TENM2: variants seen among roughly 807,000 people sequenced by gnomAD.
The protein encoded by TENM2 is teneurin transmembrane protein 2.
In TENM2, 52 loss-of-function variants were observed where a neutral mutation model predicts 245.2. The observed-to-expected ratio is 0.21, with a 90% CI of 0.17 to 0.27. The LOEUF (loss-of-function observed/expected upper bound fraction) is 0.27. TENM2 is among the 10% of genes least tolerant of loss of function. The pLI is 1.00. For synonymous variants in TENM2, 1,363 were observed against 1,438.9 expected, an observed-to-expected ratio of 0.95 and a Z score of 1.19; for missense variants, 3,046 against 3,666.8, an observed-to-expected ratio of 0.83 and a Z score of 4.37.
intron 5 of TENM2, 65 bp from the exon 8 acceptor site, chr5:168,047,362 T>G: frequency 6.5e-7 from 1 of 1,533,008 alleles, no homozygotes; most frequent in East Asian, 2.5e-5. Context: ...CACCTGGCCC[T>G]CCCCCTTGAC....
intron 2 of TENM2, among the ~76,000 whole-genome samples, chr5:167,852,844 T>C (rs1201886643): frequency 6.6e-6 from 1 of 152,132 alleles, no homozygotes; most frequent in Non-Finnish European, 1.5e-5. Flanking sequence ...TAATAGTGGG[T>C]GTCATTATGA....
chr5:167,907,515 A>G (rs1338379018), intron 3 of TENM2, among the ~76,000 whole-genome samples: 3 of 122,582 alleles, frequency 2.4e-5, no homozygotes, highest in Admixed American at 9.2e-5. Flanking sequence ...TTTTGTTTAG[A>G]TCACCCTAAA....
chr5:167,617,223 T>C (rs1429899910), intron 2 of TENM2, among the ~76,000 whole-genome samples: 5 of 152,164 alleles, frequency 3.3e-5, no homozygotes, highest in African/African-American at 1.2e-4. Flanking sequence ...TAGTCATTCA[T>C]AGTGCTACAC....
At chr5:167,067,967 C>A in the TENM2 span, among the ~76,000 whole-genome samples, 2 of 152,182 alleles carry the variant, frequency 1.3e-5, no homozygotes, top group African/African-American at 4.8e-5. Context: ...CATCTTCCTC[C>A]TTCCTCTGGA....
At chr5:167,130,492 G>A in the TENM2 span, among the ~76,000 whole-genome samples, 1 of 152,186 alleles carries the variant, frequency 6.6e-6, no homozygotes, top group African/African-American at 2.4e-5. Flanking sequence ...AGAGGTTGGA[G>A]CATTCACTCA....
At chr5:167,498,861 T>C (rs1033837831) in intron 2 of TENM2, among the ~76,000 whole-genome samples, 1 of 152,184 alleles carries the variant, frequency 6.6e-6, no homozygotes, top group Non-Finnish European at 1.5e-5. Flanking sequence ...ACTGAGATGA[T>C]GACGATATTC....
intron 2 of TENM2, among the ~76,000 whole-genome samples, chr5:167,504,904 C>T (rs776979867): frequency 9.2e-5 from 14 of 152,116 alleles, no homozygotes; most frequent in Non-Finnish European, 1.6e-4. Context: ...TTGCTTCCTT[C>T]TCTTTTTTTC....
chr5:168,007,351 A>T (rs933198230), intron 5 of TENM2, among the ~76,000 whole-genome samples: 2 of 151,744 alleles, frequency 1.3e-5, no homozygotes, highest in African/African-American at 4.8e-5. Flanking sequence ...CTCGTCTCGG[A>T]CTCCTGACCT....
intron 4 of TENM2, among the ~76,000 whole-genome samples, chr5:167,971,323 T>A (rs1781763518): frequency 6.6e-6 from 1 of 151,898 alleles, no homozygotes; most frequent in Non-Finnish European, 1.5e-5. Context: ...GATGCCCTCT[T>A]CAGGGAGGTC....
intron 2 of TENM2, among the ~76,000 whole-genome samples, chr5:167,508,557 C>G (rs1483947234): frequency 6.6e-6 from 1 of 152,156 alleles, no homozygotes; most frequent in Non-Finnish European, 1.5e-5. Context: ...GCTATCTTTT[C>G]TATGTATGTT....
At chr5:167,575,504 G>A (rs1380909898) in intron 2 of TENM2, among the ~76,000 whole-genome samples, 3 of 152,026 alleles carry the variant, frequency 2.0e-5, no homozygotes, top group East Asian at 1.9e-4. Flanking sequence ...GGCATGTCTC[G>A]CGTTTGCCAG....
intron 12 of TENM2, among the ~76,000 whole-genome samples, chr5:168,131,020 C>T (rs144954099): frequency 2.0e-5 from 3 of 152,114 alleles, no homozygotes; most frequent in Non-Finnish European, 4.4e-5. Flanking sequence ...TGTAGATCAG[C>T]GTCTCATGAA....
chr5:167,425,868 C>T (rs560156907), intron 2 of TENM2, among the ~76,000 whole-genome samples: 1 of 152,210 alleles, frequency 6.6e-6, no homozygotes, highest in South Asian at 2.1e-4. Flanking sequence ...ACAGTGAGTG[C>T]TCAATCACTT....
the TENM2 span, among the ~76,000 whole-genome samples, chr5:167,177,304 C>T: frequency 3.9e-5 from 6 of 152,256 alleles, no homozygotes; most frequent in East Asian, 9.7e-4. Context: ...ACAAGACAGT[C>T]ACCAGTAAGG....
intron 2 of TENM2, among the ~76,000 whole-genome samples, chr5:167,842,834 G>A (rs1315947880): frequency 5.3e-5 from 8 of 152,060 alleles, no homozygotes; most frequent in Non-Finnish European, 1.5e-5. Context: ...CTCATCAAAC[G>A]CTGATTGGAT....
At chr5:168,074,734 A>G (rs1001114982) in intron 7 of TENM2, among the ~76,000 whole-genome samples, 1 of 151,944 alleles carries the variant, frequency 6.6e-6, no homozygotes, top group Non-Finnish European at 1.5e-5. Flanking sequence ...GCCTCCGAAC[A>G]TTTTGCACCG....
chr5:168,052,620 A>G (rs1256420605), intron 6 of TENM2, among the ~76,000 whole-genome samples: 2 of 152,092 alleles, frequency 1.3e-5, no homozygotes, highest in African/African-American at 4.8e-5. Flanking sequence ...TGGCTTGATG[A>G]GGTCAGTAGG....
At chr5:167,326,666 C>G (rs904948947) in intron 1 of TENM2, among the ~76,000 whole-genome samples, 2 of 148,030 alleles carry the variant, frequency 1.4e-5, no homozygotes, top group African/African-American at 5.0e-5. Flanking sequence ...GAATGAGACT[C>G]CGTCAGAATA....
chr5:168,074,820 C>T (rs1166715657), intron 7 of TENM2, among the ~76,000 whole-genome samples: 1 of 152,236 alleles, frequency 6.6e-6, no homozygotes, highest in Non-Finnish European at 1.5e-5. Flanking sequence ...CTCATGCCTC[C>T]ATAAGCCCTT....
Sources: gnomAD v4.1 joint callset for allele counts (sites outside exome capture counted in the v4.1 genomes callset) on GRCh38, gnomAD v4.1.1 for gene constraint, MANE v1.5 for transcripts, NCBI Gene and HGNC (gene_info 2026-07-23, HGNC 2026-07-21) for gene names.